Variants in TRAPPC9 observed in about 807,000 individuals in gnomAD.
TRAPPC9 encodes IKK2 binding protein.
TRAPPC9 carries 83 observed loss-of-function variants against 124.0 expected under a neutral mutation model. The ratio of observed to expected loss-of-function variants is 0.67; its 90% CI spans 0.56 to 0.80. TRAPPC9 has a LOEUF of 0.80. Ranked by LOEUF, TRAPPC9 falls within the 30% of genes least tolerant of loss-of-function variation. The pLI is 0.00. For synonymous variants in TRAPPC9, 638 were observed against 617.5 expected (o/e 1.03, Z -0.49); for missense variants, 1,302 against 1,508.3 (o/e 0.86, Z 2.27).
At chr8:140,435,312 G>A in intron 3 of TRAPPC9, 72 bp from the exon 4 acceptor site, 2 of 1,560,230 alleles carry the variant, frequency 1.3e-6, no homozygotes, top group Non-Finnish European at 1.7e-6. Context: ...AGTCAAGTCA[G>A]TGACCCTTCA....
intron 18 of TRAPPC9, among the ~76,000 whole-genome samples, chr8:140,003,743 G>C (rs901655201): frequency 6.6e-6 from 1 of 152,160 alleles, no homozygotes; most frequent in Non-Finnish European, 1.5e-5. Context: ...ACTGCTAGTA[G>C]AGATGGAAAA....
intron 18 of TRAPPC9, among the ~76,000 whole-genome samples, chr8:140,018,845 G>A (rs1839648109): frequency 6.6e-6 from 1 of 151,136 alleles, no homozygotes; most frequent in Admixed American, 6.6e-5. Context: ...GATTAGGACT[G>A]CCAGAAAAAT....
At chr8:139,822,136 T>G (rs1825295423) in intron 21 of TRAPPC9, among the ~76,000 whole-genome samples, 1 of 152,152 alleles carries the variant, frequency 6.6e-6, no homozygotes, top group Admixed American at 6.5e-5. Flanking sequence ...ACCCATTACC[T>G]GGCGCTGAGC....
intron 7 of TRAPPC9, among the ~76,000 whole-genome samples, chr8:140,380,235 T>TACC (rs1160589046): frequency 6.6e-6 from 1 of 152,164 alleles, no homozygotes; most frequent in East Asian, 1.9e-4. Flanking sequence ...CTGGCATAAG[T>TACC]ACCACATAAG....
intron 18 of TRAPPC9, among the ~76,000 whole-genome samples, chr8:140,010,883 C>A (rs1427338847): frequency 1.3e-5 from 2 of 152,144 alleles, no homozygotes; most frequent in Admixed American, 1.3e-4. Flanking sequence ...AAACCTCACT[C>A]AACAGAGAAG....
chr8:140,347,805 G>A (rs1053497155), intron 9 of TRAPPC9, among the ~76,000 whole-genome samples: 1 of 152,194 alleles, frequency 6.6e-6, no homozygotes, highest in Non-Finnish European at 1.5e-5. Flanking sequence ...GTACATGTAT[G>A]TCTCTAGAAC....
chr8:140,322,342 G>C (rs1409886268), intron 9 of TRAPPC9, among the ~76,000 whole-genome samples: 1 of 152,162 alleles, frequency 6.6e-6, no homozygotes, highest in African/African-American at 2.4e-5. Context: ...GCTACACCCA[G>C]CTCAACTGCA....
intron 19 of TRAPPC9, among the ~76,000 whole-genome samples, chr8:139,958,438 G>A (rs1835140649): frequency 6.6e-6 from 1 of 152,118 alleles, no homozygotes; most frequent in East Asian, 1.9e-4. Flanking sequence ...CAGTTTCCAG[G>A]TGGCTGCCCC....
intron 9 of TRAPPC9, among the ~76,000 whole-genome samples, chr8:140,314,754 G>GT (rs1340155934): frequency 2.6e-5 from 4 of 152,196 alleles, no homozygotes; most frequent in Admixed American, 6.5e-5. Flanking sequence ...CATCTGTGTT[G>GT]TTGCAAATGA....
chr8:139,977,956 T>C (rs143233805), intron 19 of TRAPPC9, among the ~76,000 whole-genome samples: 4,499 of 152,028 alleles, frequency 0.03, 232 homozygotes, highest in African/African-American at 0.1. Context: ...GCTGGGATTA[T>C]GGGTGTGAGC....
intron 21 of TRAPPC9, among the ~76,000 whole-genome samples, chr8:139,772,758 T>A (rs1386938375): frequency 1.3e-5 from 2 of 152,180 alleles, no homozygotes; most frequent in Non-Finnish European, 2.9e-5. Context: ...TAAAGCCCAG[T>A]ACAATACCTT....
chr8:140,307,099 G>A (rs943806674), intron 10 of TRAPPC9, among the ~76,000 whole-genome samples: 8 of 152,204 alleles, frequency 5.3e-5, no homozygotes, highest in Non-Finnish European at 7.3e-5. Context: ...GAGGGGCAGT[G>A]AAAAGCAAAA....
intron 21 of TRAPPC9, among the ~76,000 whole-genome samples, chr8:139,815,266 T>A (rs1297075903): frequency 6.6e-6 from 1 of 152,220 alleles, no homozygotes; most frequent in African/African-American, 2.4e-5. Context: ...AAGGTGCGTG[T>A]CATCCTCTCT....
intron 17 of TRAPPC9, among the ~76,000 whole-genome samples, chr8:140,092,086 A>AC (rs915508272): frequency 1.6e-4 from 24 of 152,084 alleles, no homozygotes; most frequent in African/African-American, 5.3e-4. Flanking sequence ...CAAAAAAAAA[A>AC]AAAAAACAAA....
intron 17 of TRAPPC9, among the ~76,000 whole-genome samples, chr8:140,169,240 C>T (rs1021395789): frequency 6.6e-6 from 1 of 152,144 alleles, no homozygotes; most frequent in Non-Finnish European, 1.5e-5. Context: ...CAGTGAAGCA[C>T]CACTTCACAT....
At chr8:139,934,185 T>G (rs886333218) in intron 19 of TRAPPC9, among the ~76,000 whole-genome samples, 4 of 152,144 alleles carry the variant, frequency 2.6e-5, no homozygotes, top group African/African-American at 9.7e-5. Flanking sequence ...GCCACTGTTT[T>G]AGGCAAATGT....
chr8:139,873,852 C>G (rs932763211), intron 21 of TRAPPC9, among the ~76,000 whole-genome samples: 1 of 152,252 alleles, frequency 6.6e-6, no homozygotes, highest in African/African-American at 2.4e-5. Context: ...TAGTCCACCT[C>G]TGGCCTCCGG....
At chr8:140,373,536 C>G (rs2068343289) in intron 7 of TRAPPC9, among the ~76,000 whole-genome samples, 1 of 152,230 alleles carries the variant, frequency 6.6e-6, no homozygotes, top group Non-Finnish European at 1.5e-5. Flanking sequence ...CTCTGTGTCT[C>G]CCACACAATT....
intron 19 of TRAPPC9, among the ~76,000 whole-genome samples, chr8:139,945,150 T>C (rs1393605626): frequency 6.6e-6 from 1 of 151,878 alleles, no homozygotes; most frequent in South Asian, 2.1e-4. Context: ...AAGAAATAAA[T>C]AGTAAAACAA....
Sources: allele counts gnomAD v4.1 joint callset (sites outside exome capture counted in the v4.1 genomes callset), GRCh38; gene constraint gnomAD v4.1.1; transcripts MANE v1.5; gene names NCBI Gene and HGNC (gene_info 2026-07-23, HGNC 2026-07-21).